Variants in HS6ST3 observed in about 807,000 individuals in gnomAD.
HS6ST3 encodes heparan-sulfate 6-O-sulfotransferase 3.
Under a neutral mutation model 36.7 loss-of-function variants are expected in HS6ST3, and 12 were observed. That is an observed-to-expected ratio of 0.33 (90% CI 0.21 to 0.53). The LOEUF (loss-of-function observed/expected upper bound fraction) is 0.53, where lower values mean the gene tolerates loss of function less well. Ranked by LOEUF, HS6ST3 falls within the 20% of genes least tolerant of loss-of-function variation. The pLI is 0.95. For missense variants in HS6ST3, 584 were observed against 640.9 expected (o/e 0.91, Z 0.96); for synonymous variants, 240 against 257.5 (o/e 0.93, Z 0.65).
At chr13:96,713,514 C>T (rs1224079528) in intron 1 of HS6ST3, among the ~76,000 whole-genome samples, 4 of 152,126 alleles carry the variant, frequency 2.6e-5, no homozygotes, top group Non-Finnish European at 4.4e-5. Context: ...ATTCTGAACA[C>T]CTCTCATATA....
At chr13:96,710,393 G>A (rs562936683) in intron 1 of HS6ST3, among the ~76,000 whole-genome samples, 10 of 152,366 alleles carry the variant, frequency 6.6e-5, no homozygotes, top group African/African-American at 2.4e-4. Context: ...CCAACAGGGA[G>A]GCTTCCTGAG....
chr13:96,278,129 T>C (rs1201929450), intron 1 of HS6ST3, among the ~76,000 whole-genome samples: 1 of 152,202 alleles, frequency 6.6e-6, no homozygotes, highest in Non-Finnish European at 1.5e-5. Context: ...AGGTCGATAT[T>C]TCAATTTCCT....
At chr13:96,575,645 C>T (rs913354116) in intron 1 of HS6ST3, among the ~76,000 whole-genome samples, 1 of 152,224 alleles carries the variant, frequency 6.6e-6, no homozygotes, top group Admixed American at 6.5e-5. Flanking sequence ...TTGGAATCTT[C>T]ACCCCACCAG....
At chr13:96,704,052 TTGTC>T (rs1364846940) in intron 1 of HS6ST3, among the ~76,000 whole-genome samples, 1 of 152,182 alleles carries the variant, frequency 6.6e-6, no homozygotes, top group African/African-American at 2.4e-5. Flanking sequence ...TCGTTATAAA[TTGTC>T]TGTCCTCAGG....
At chr13:96,381,402 G>GTATCTATCTATC (rs1278427681) in intron 1 of HS6ST3, among the ~76,000 whole-genome samples, 15 of 54,710 alleles carry the variant, frequency 2.7e-4, no homozygotes, top group South Asian at 8.1e-4. Flanking sequence ...ATGTATCTAT[G>GTATCTATCTATC]TATCTATGTA....
intron 1 of HS6ST3, among the ~76,000 whole-genome samples, chr13:96,645,021 G>A (rs937791050): frequency 6.6e-6 from 1 of 151,774 alleles, no homozygotes; most frequent in Admixed American, 6.6e-5. Context: ...GTGTGCTCAG[G>A]TCACTAGATA....
At chr13:96,092,354 A>G (rs112051594) in intron 1 of HS6ST3, among the ~76,000 whole-genome samples, 2,223 of 152,332 alleles carry the variant, frequency 0.015, 22 homozygotes, top group Non-Finnish European at 0.022. Context: ...ATGGAATGAC[A>G]TTCTTGATCC....
intron 1 of HS6ST3, among the ~76,000 whole-genome samples, chr13:96,213,466 A>G (rs898526329): frequency 6.6e-6 from 1 of 152,058 alleles, no homozygotes; most frequent in Non-Finnish European, 1.5e-5. Flanking sequence ...CTGAACACCA[A>G]GGGAAGCAAA....
At chr13:96,673,667 A>C (rs2056689566) in intron 1 of HS6ST3, among the ~76,000 whole-genome samples, 1 of 151,942 alleles carries the variant, frequency 6.6e-6, no homozygotes, top group Non-Finnish European at 1.5e-5. Flanking sequence ...AATTCACTTA[A>C]ATCTTCTGTT....
intron 1 of HS6ST3, among the ~76,000 whole-genome samples, chr13:96,831,431 C>T (rs965449904): frequency 7.2e-5 from 11 of 152,162 alleles, no homozygotes; most frequent in Admixed American, 5.2e-4. Context: ...CAGGTATTAA[C>T]TTGCTCCAGT....
chr13:96,525,492 A>G (rs970591822), intron 1 of HS6ST3, among the ~76,000 whole-genome samples: 2 of 152,142 alleles, frequency 1.3e-5, no homozygotes, highest in African/African-American at 4.8e-5. Flanking sequence ...TATACTAGCT[A>G]CTGACAATAT....
chr13:96,799,982 G>GTATATATATATATGTGTGTA (rs1566456842), intron 1 of HS6ST3, among the ~76,000 whole-genome samples: 3 of 82,558 alleles, frequency 3.6e-5, no homozygotes, highest in African/African-American at 1.4e-4. Flanking sequence ...ATATATATAT[G>GTATATATATATATGTGTGTA]TATATATATA....
intron 1 of HS6ST3, among the ~76,000 whole-genome samples, chr13:96,568,267 C>T (rs2056288754): frequency 6.6e-6 from 1 of 152,050 alleles, no homozygotes; most frequent in African/African-American, 2.4e-5. Flanking sequence ...CATCATTTGG[C>T]TCTCTGAATC....
chr13:96,327,587 G>T (rs1262896163), intron 1 of HS6ST3, among the ~76,000 whole-genome samples: 1 of 151,944 alleles, frequency 6.6e-6, no homozygotes, highest in Non-Finnish European at 1.5e-5. Flanking sequence ...CTGTAGCCTT[G>T]TAGTATAGTT....
chr13:96,404,993 C>T (rs1240999479), intron 1 of HS6ST3, among the ~76,000 whole-genome samples: 2 of 152,158 alleles, frequency 1.3e-5, no homozygotes, highest in Non-Finnish European at 2.9e-5. Context: ...CACAAGTTCT[C>T]CCTTTGCCTG....
At chr13:96,750,559 A>G (rs1472228582) in intron 1 of HS6ST3, among the ~76,000 whole-genome samples, 1 of 152,242 alleles carries the variant, frequency 6.6e-6, no homozygotes, top group Admixed American at 6.5e-5. Flanking sequence ...AATGCTTTGT[A>G]TATGTGTATT....
At chr13:96,774,810 C>A (rs1338735279) in intron 1 of HS6ST3, among the ~76,000 whole-genome samples, 1 of 152,108 alleles carries the variant, frequency 6.6e-6, no homozygotes, top group Non-Finnish European at 1.5e-5. Flanking sequence ...GGCCGACATT[C>A]AAATTCAGGA....
chr13:96,505,545 A>G (rs1236571974), intron 1 of HS6ST3, among the ~76,000 whole-genome samples: 1 of 152,150 alleles, frequency 6.6e-6, no homozygotes, highest in Non-Finnish European at 1.5e-5. Flanking sequence ...AGAATTACTG[A>G]CATATGCAAA....
At chr13:96,694,715 T>C (rs1875072807) in intron 1 of HS6ST3, among the ~76,000 whole-genome samples, 1 of 152,230 alleles carries the variant, frequency 6.6e-6, no homozygotes, top group Non-Finnish European at 1.5e-5. Flanking sequence ...TTTTTGACTT[T>C]TTAATAATAG....
Sources: gnomAD v4.1 joint callset for allele counts (sites outside exome capture counted in the v4.1 genomes callset) on GRCh38, gnomAD v4.1.1 for gene constraint, MANE v1.5 for transcripts, NCBI Gene and HGNC (gene_info 2026-07-23, HGNC 2026-07-21) for gene names.